SGCD: variants seen among roughly 807,000 people sequenced by gnomAD.
The protein encoded by SGCD is sarcoglycan delta.
A neutral mutation model predicts 36.6 loss-of-function variants in SGCD; 18 were observed. That is an observed-to-expected ratio of 0.49 (90% confidence interval 0.34 to 0.73). The LOEUF (loss-of-function observed/expected upper bound fraction) is 0.73. SGCD is among the 30% of genes least tolerant of loss of function. SGCD has a pLI of 0.01. For synonymous variants in SGCD, 133 were observed against 130.6 expected (o/e 1.02, Z -0.12); for missense variants, 387 against 346.7 (o/e 1.12, Z -0.92).
At chr5:155,836,838 A>G in the SGCD span, among the ~76,000 whole-genome samples, 36 of 152,316 alleles carry the variant, frequency 2.4e-4, no homozygotes, top group African/African-American at 7.9e-4. Flanking sequence ...AAGTATCCAG[A>G]ATTGGATGCC....
chr5:155,841,010 CAAAAAAAAAAA>C, the SGCD span, among the ~76,000 whole-genome samples: 1 of 61,080 alleles, frequency 1.6e-5, no homozygotes, highest in Non-Finnish European at 2.7e-5. Flanking sequence ...GACTCCATCT[CAAAAAAAAAAA>C]AAAAAAAAAA....
chr5:156,491,545 G>A (rs950938609), intron 3 of SGCD, among the ~76,000 whole-genome samples: 10 of 152,020 alleles, frequency 6.6e-5, no homozygotes, highest in African/African-American at 2.4e-4. Context: ...CGTATTTGCA[G>A]CCAACAGATT....
At chr5:155,830,673 T>C in the SGCD span, among the ~76,000 whole-genome samples, 9 of 152,234 alleles carry the variant, frequency 5.9e-5, no homozygotes, top group East Asian at 1.2e-3. Context: ...AAAAACCTTA[T>C]GATTATGAAA....
At chr5:155,848,175 A>C in the SGCD span, among the ~76,000 whole-genome samples, 1 of 152,154 alleles carries the variant, frequency 6.6e-6, no homozygotes, top group African/African-American at 2.4e-5. Context: ...ATAAATAAAC[A>C]TTCTCAGGAG....
chr5:156,097,508 A>G (rs1176902930), intron 1 of SGCD, among the ~76,000 whole-genome samples: 1 of 152,098 alleles, frequency 6.6e-6, no homozygotes. Context: ...TCAGCTATTG[A>G]GTCCATTTAT....
At chr5:155,924,935 G>A (rs1756965631) in intron 1 of SGCD, among the ~76,000 whole-genome samples, 1 of 152,156 alleles carries the variant, frequency 6.6e-6, no homozygotes, top group African/African-American at 2.4e-5. Context: ...CATTATCCTT[G>A]CAGATAAACT....
At chr5:156,105,883 C>G (rs530643025) in intron 1 of SGCD, among the ~76,000 whole-genome samples, 4 of 151,498 alleles carry the variant, frequency 2.6e-5, no homozygotes, top group African/African-American at 9.7e-5. Flanking sequence ...GAGGCCAAGG[C>G]GGGTGGATAA....
At chr5:156,149,782 G>C (rs1418208972) in intron 3 of SGCD, among the ~76,000 whole-genome samples, 1 of 152,176 alleles carries the variant, frequency 6.6e-6, no homozygotes, top group Non-Finnish European at 1.5e-5. Context: ...GTATTTAAGT[G>C]AGCCTATGGT....
intron 6 of SGCD, among the ~76,000 whole-genome samples, chr5:156,644,208 C>T (rs900305169): frequency 2.6e-5 from 4 of 152,100 alleles, no homozygotes; most frequent in South Asian, 4.1e-4. Context: ...TCAAATTTCA[C>T]GGATGCTATT....
chr5:156,297,650 A>AGG (rs1292353941), intron 3 of SGCD, among the ~76,000 whole-genome samples: 1 of 26,296 alleles, frequency 3.8e-5, no homozygotes, highest in Admixed American at 6.2e-4. Context: ...GGGTGGGGGG[A>AGG]GGGGGGCGGG....
chr5:156,406,790 T>TTATATATATATATATATATA (rs200600544), intron 3 of SGCD, among the ~76,000 whole-genome samples: 92 of 75,350 alleles, frequency 1.2e-3, no homozygotes, highest in South Asian at 2.9e-3. Context: ...ATAGGAGATT[T>TTATATATATATATATATATA]TATATATATA....
chr5:155,857,025 G>A, the SGCD span, among the ~76,000 whole-genome samples: 11 of 152,042 alleles, frequency 7.2e-5, no homozygotes, highest in African/African-American at 2.2e-4. Context: ...CTTGGGGTCC[G>A]GAGTTTGAGA....
intron 1 of SGCD, among the ~76,000 whole-genome samples, chr5:155,905,568 C>T (rs1007930699): frequency 2.6e-5 from 4 of 152,040 alleles, no homozygotes; most frequent in African/African-American, 9.7e-5. Context: ...TACTGGCATA[C>T]CTCATTTTAT....
rs157669 is a variant in SGCD, at chr5:156,686,751, G to A, written c.575+39215G>A. On this transcript the variant is annotated intron_variant, in intron 7 of 8. Transcript: ENST00000337851. ...TTGAGTAACTCCTTTGAGTAACCGG[G>A]GACAGCTCTGCTTGAATCTCTGATC... is the stretch of plus-strand genomic sequence containing the variant. Among the ~76,000 whole-genome samples the A allele has an allele frequency of 0.014, 2,056 of 152,250 alleles. 82 individuals carry two copies. The East Asian group carries it at 0.16, about 12-fold the overall frequency.
At chr5:156,361,282 C>T (rs80261187) in intron 3 of SGCD, among the ~76,000 whole-genome samples, 5,208 of 152,246 alleles carry the variant, frequency 0.034, 231 homozygotes, top group African/African-American at 0.097. Context: ...AAGGATGATT[C>T]GGAAAAATCC....
chr5:156,294,748 C>A (rs1766851507), intron 3 of SGCD, among the ~76,000 whole-genome samples: 1 of 152,048 alleles, frequency 6.6e-6, no homozygotes, highest in Non-Finnish European at 1.5e-5. Flanking sequence ...TCATGTGGTT[C>A]CTCCTGCTTC....
intron 1 of SGCD, among the ~76,000 whole-genome samples, chr5:156,051,074 A>T (rs1419915909): frequency 6.8e-6 from 1 of 146,714 alleles, no homozygotes; most frequent in African/African-American, 2.5e-5. Flanking sequence ...CTAATATTAT[A>T]GCTGAAATAA....
intron 2 of SGCD, among the ~76,000 whole-genome samples, chr5:156,332,198 C>G (rs1200268963): frequency 5.9e-5 from 9 of 152,198 alleles, no homozygotes; most frequent in East Asian, 1.9e-4. Context: ...GCTGCTGATA[C>G]AAACAGCAGG....
chr5:156,606,844 T>A (rs1169888072), intron 6 of SGCD, among the ~76,000 whole-genome samples: 3 of 152,242 alleles, frequency 2.0e-5, no homozygotes, highest in African/African-American at 7.2e-5. Flanking sequence ...TTTGGCTCTC[T>A]GTTTGTCTGT....
Sources: allele counts gnomAD v4.1 joint callset (sites outside exome capture counted in the v4.1 genomes callset), GRCh38; gene constraint gnomAD v4.1.1; transcripts MANE v1.5; gene names NCBI Gene and HGNC (gene_info 2026-07-23, HGNC 2026-07-21).